Variants in GPC5 observed in about 807,000 individuals in gnomAD.
GPC5 encodes glypican 5.
In GPC5, 47 loss-of-function variants were observed where a neutral mutation model predicts 53.9. That is an observed-to-expected ratio of 0.87 (90% CI 0.69 to 1.11). GPC5 has a LOEUF of 1.11. Ranked by LOEUF, GPC5 falls within the 50% of genes most tolerant of loss-of-function variation. The pLI is 0.00. For missense variants in GPC5, 748 were observed against 713.1 expected (o/e 1.05, Z -0.56); for synonymous variants, 286 against 263.3 (o/e 1.09, Z -0.84).
chr13:92,009,007 A>G (rs1435712149), intron 6 of GPC5, among the ~76,000 whole-genome samples: 6 of 152,034 alleles, frequency 3.9e-5, no homozygotes, highest in African/African-American at 1.4e-4. Flanking sequence ...CATCTGTAGA[A>G]GTTTTATCTG....
In GPC5 at chr13:92,303,888, A is replaced by G. The variant is rs572267736; in HGVS notation, c.1561+158899A>G. Among the ~76,000 whole-genome samples, 5 of 152,338 alleles carry G rather than the reference A, an allele frequency of 3.3e-5. No individual in the cohort carries two copies. In the South Asian group the frequency reaches 1.0e-3, roughly 32 times the overall value. Reference sequence around the variant, plus strand: ...AGAGCAGGTTTTCCAGCATAAGTTTATAAGTGCATAAACTAGGAGGGTAAG... The same window carrying G: ...AGAGCAGGTTTTCCAGCATAAGTTTGTAAGTGCATAAACTAGGAGGGTAAG... On this transcript the variant is annotated intron_variant, in intron 7 of 7. Coordinates refer to ENST00000377067, the MANE Select transcript of GPC5 (RefSeq NM_004466.6).
At chr13:91,456,217 T>G (rs1249587285) in intron 2 of GPC5, among the ~76,000 whole-genome samples, 1 of 152,134 alleles carries the variant, frequency 6.6e-6, no homozygotes, top group East Asian at 1.9e-4. Flanking sequence ...TGTTAGATAT[T>G]TTGGGAGTAA....
chr13:92,022,030 C>G (rs1566398492), intron 6 of GPC5, among the ~76,000 whole-genome samples: 2 of 151,942 alleles, frequency 1.3e-5, no homozygotes, highest in Non-Finnish European at 2.9e-5. Flanking sequence ...GACAGAGTCT[C>G]GGTCTGTTGC....
intron 7 of GPC5, among the ~76,000 whole-genome samples, chr13:92,701,108 C>A (rs7992127): frequency 0.052 from 7,843 of 152,024 alleles, 589 homozygotes; most frequent in East Asian, 0.32. Flanking sequence ...AGTGAATAAA[C>A]CAAACTGGAA....
chr13:92,786,074 A>G (rs778845412), intron 7 of GPC5, among the ~76,000 whole-genome samples: 1 of 152,212 alleles, frequency 6.6e-6, no homozygotes, highest in Non-Finnish European at 1.5e-5. Context: ...TTGGGGTACA[A>G]ATTGGAAAGT....
chr13:92,771,713 C>G (rs1191915380), intron 7 of GPC5, among the ~76,000 whole-genome samples: 1 of 152,106 alleles, frequency 6.6e-6, no homozygotes, highest in Non-Finnish European at 1.5e-5. Context: ...AGTGCTTATT[C>G]AACCATATTT....
At chr13:92,679,121 T>G (rs530745668) in intron 7 of GPC5, among the ~76,000 whole-genome samples, 4 of 152,208 alleles carry the variant, frequency 2.6e-5, no homozygotes, top group Non-Finnish European at 5.9e-5. Context: ...ATAGAAAATT[T>G]GATCATTAGC....
At chr13:92,511,460 T>C (rs1880562538) in intron 7 of GPC5, among the ~76,000 whole-genome samples, 1 of 152,190 alleles carries the variant, frequency 6.6e-6, no homozygotes, top group Non-Finnish European at 1.5e-5. Context: ...TTTATGTTAG[T>C]TTTTCATCTG....
intron 3 of GPC5, among the ~76,000 whole-genome samples, chr13:91,721,928 T>C (rs1189366959): frequency 6.6e-6 from 1 of 152,190 alleles, no homozygotes; most frequent in East Asian, 1.9e-4. Flanking sequence ...CTTAAAGTTG[T>C]CTATTTAATG....
At chr13:92,205,823 G>T (rs1484009216) in intron 7 of GPC5, among the ~76,000 whole-genome samples, 1 of 152,076 alleles carries the variant, frequency 6.6e-6, no homozygotes, top group Non-Finnish European at 1.5e-5. Context: ...CAGGCGGGTG[G>T]ATCACCTGAG....
intron 2 of GPC5, among the ~76,000 whole-genome samples, chr13:91,621,873 A>C (rs974478738): frequency 6.0e-5 from 9 of 150,942 alleles, no homozygotes; most frequent in African/African-American, 2.2e-4. Context: ...AGAGCAAGGA[A>C]GCCAGTCCAA....
intron 7 of GPC5, among the ~76,000 whole-genome samples, chr13:92,198,335 G>GC (rs2042271584): frequency 1.3e-5 from 2 of 152,252 alleles, no homozygotes; most frequent in Admixed American, 6.5e-5. Context: ...ACTAAGAGAT[G>GC]TCCAATAAAA....
In GPC5 at chr13:92,525,866, C is replaced by G. The variant is rs142982663; in HGVS notation, c.1562-340416C>G. On this transcript the variant is annotated intron_variant, in intron 7 of 7. Transcript: ENST00000377067. ...CCTCTGTATCTAATCAAAAGAATTT[C>G]CCTTATCAACTCCTTTCTTAGGCAC... 4.0e-3 allele frequency among the ~76,000 whole-genome samples: 602 copies of G among 152,180 alleles called. 6 individuals are homozygous for G. The highest frequency in any genetic ancestry group is 0.014 in the African/African-American group (585 of 41,562).
At chr13:91,611,750 T>C (rs2033556984) in intron 2 of GPC5, among the ~76,000 whole-genome samples, 1 of 152,200 alleles carries the variant, frequency 6.6e-6, no homozygotes, top group African/African-American at 2.4e-5. Flanking sequence ...CCTATGGCCA[T>C]AGTCTTGATG....
At chr13:91,967,378 T>G (rs577299263) in intron 6 of GPC5, among the ~76,000 whole-genome samples, 2 of 152,288 alleles carry the variant, frequency 1.3e-5, no homozygotes, top group South Asian at 4.1e-4. Flanking sequence ...ATTTTTATAC[T>G]TTAAAAAATT....
chr13:92,800,781 T>TA (rs1266852758), intron 7 of GPC5, among the ~76,000 whole-genome samples: 1 of 151,892 alleles, frequency 6.6e-6, no homozygotes, highest in Non-Finnish European at 1.5e-5. Flanking sequence ...GATTAACTTT[T>TA]GATATTCTCA....
intron 6 of GPC5, among the ~76,000 whole-genome samples, chr13:92,127,828 T>C (rs2041711929): frequency 6.6e-6 from 1 of 152,234 alleles, no homozygotes; most frequent in Non-Finnish European, 1.5e-5. Flanking sequence ...AAATTAACTT[T>C]TTTTTGTATT....
At chr13:91,840,009 A>G (rs1220669577) in intron 5 of GPC5, among the ~76,000 whole-genome samples, 2 of 152,070 alleles carry the variant, frequency 1.3e-5, no homozygotes, top group Admixed American at 1.3e-4. Flanking sequence ...ACAATTCCTA[A>G]GATCTACATA....
intron 7 of GPC5, among the ~76,000 whole-genome samples, chr13:92,277,055 A>G (rs1466630377): frequency 1.3e-5 from 2 of 152,124 alleles, no homozygotes; most frequent in Non-Finnish European, 2.9e-5. Context: ...TGTTGCTTAC[A>G]ACATTCACAT....
Sources: allele counts gnomAD v4.1 joint callset (sites outside exome capture counted in the v4.1 genomes callset), GRCh38; gene constraint gnomAD v4.1.1; transcripts MANE v1.5; gene names NCBI Gene and HGNC (gene_info 2026-07-23, HGNC 2026-07-21).